Variants in TEX36 observed in about 807,000 individuals in gnomAD.
TEX36 encodes the protein testis expressed 36.
A neutral mutation model predicts 13.6 loss-of-function variants in TEX36; 12 were observed. That is an observed-to-expected ratio of 0.88 (90% confidence interval 0.56 to 1.43). The LOEUF is 1.43. Among genes scored for constraint, TEX36 ranks in the 40% most tolerant of loss-of-function variants. TEX36 has a pLI of 0.00. For missense variants in TEX36, 224 were observed against 228.3 expected (o/e 0.98, Z 0.12); for synonymous variants, 93 against 83.0 (o/e 1.12, Z -0.65).
At chr10:125,659,861 G>C (rs1169745191) in intron 3 of TEX36, among the ~76,000 whole-genome samples, 1 of 152,124 alleles carries the variant, frequency 6.6e-6, no homozygotes, top group Non-Finnish European at 1.5e-5. Context: ...GGACTTTCAG[G>C]TTCCATGAGG....
rs1425552997 is a variant in TEX36 at position 125,671,713 on chromosome 10, C to T, written c.52-9736G>A. The stretch of plus-strand genomic sequence containing the variant: ...AAAGTTTCAGGAGAAATGATACCAG[C>T]TCTTTTTTGTACCTCTGGTAGAATT... On this transcript the variant is annotated intron_variant, in intron 1 of 3. Transcript: ENST00000368821. Among the ~76,000 whole-genome samples the T allele has an allele frequency of 2.6e-5, 4 of 152,154 alleles. No individual in the cohort carries two copies. The East Asian group carries it at 7.7e-4, about 29-fold the overall frequency.
intron 3 of TEX36, among the ~76,000 whole-genome samples, chr10:125,639,868 G>A (rs1247301559): frequency 2.0e-5 from 3 of 152,164 alleles, no homozygotes; most frequent in South Asian, 2.1e-4. Flanking sequence ...TCCTCTTTGG[G>A]AACTATAACG....
downstream of TEX36, chr10:125,621,525 T>C (rs544838694): frequency 2.3e-6 from 1 of 434,602 alleles, no homozygotes; most frequent in African/African-American, 2.0e-5. Flanking sequence ...CCACTTATAT[T>C]AGTCAGGGCT....
At chr10:125,627,096 T>C (rs1846498873) in intron 3 of TEX36, among the ~76,000 whole-genome samples, 1 of 152,210 alleles carries the variant, frequency 6.6e-6, no homozygotes, top group South Asian at 2.1e-4. Flanking sequence ...GTCAACAGGA[T>C]TTGCTAAGTG....
intron 3 of TEX36, among the ~76,000 whole-genome samples, chr10:125,589,311 C>T (rs1845995379): frequency 6.6e-6 from 1 of 152,258 alleles, no homozygotes; most frequent in Non-Finnish European, 1.5e-5. Flanking sequence ...AAATAATTAC[C>T]ACCCGTATCT....
intron 3 of TEX36, among the ~76,000 whole-genome samples, chr10:125,577,438 G>A (rs1354637427): frequency 6.6e-6 from 1 of 152,224 alleles, no homozygotes; most frequent in Non-Finnish European, 1.5e-5. Context: ...GGCAGAGGTT[G>A]CATTGAGCTG....
chr10:125,615,563 C>T (rs1229415957), intron 3 of TEX36, among the ~76,000 whole-genome samples: 4 of 151,736 alleles, frequency 2.6e-5, no homozygotes, highest in Admixed American at 6.6e-5. Context: ...GTCTTTGGTT[C>T]TGTTTATATG....
intron 3 of TEX36, among the ~76,000 whole-genome samples, chr10:125,632,782 G>A (rs1368703162): frequency 6.6e-6 from 1 of 152,114 alleles, no homozygotes; most frequent in African/African-American, 2.4e-5. Context: ...GGACAGCCAG[G>A]TGAATAAGCC....
intron 3 of TEX36, among the ~76,000 whole-genome samples, chr10:125,606,197 C>T (rs1286463908): frequency 6.6e-6 from 1 of 152,142 alleles, no homozygotes; most frequent in Non-Finnish European, 1.5e-5. Context: ...ATTAAGCACC[C>T]TTGTAGGATT....
At chr10:125,621,341 TCCTCACCAACAC>T (rs1227191016), downstream of TEX36, among the ~76,000 whole-genome samples, 1 of 151,842 alleles carries the variant, frequency 6.6e-6, no homozygotes, top group African/African-American at 2.4e-5. Context: ...TTTCTCCACA[TCCTCACCAACAC>T]TTGGCATTTT....
chr10:125,671,778 G>T (rs770186856), intron 1 of TEX36, among the ~76,000 whole-genome samples: 16 of 152,110 alleles, frequency 1.1e-4, no homozygotes, highest in Non-Finnish European at 4.4e-5. Context: ...TGTTTGGTTG[G>T]TAGGCTATTA....
At chr10:125,623,073 T>C (rs1846447234) in intron 3 of TEX36, among the ~76,000 whole-genome samples, 1 of 152,162 alleles carries the variant, frequency 6.6e-6, no homozygotes, top group East Asian at 1.9e-4. Flanking sequence ...CTGTGAATCT[T>C]GGCTATGGGA....
intron 3 of TEX36, among the ~76,000 whole-genome samples, chr10:125,644,045 G>A (rs540929872): frequency 6.6e-6 from 1 of 152,318 alleles, no homozygotes; most frequent in Middle Eastern, 3.4e-3. Context: ...AGCCAAGTGG[G>A]TGGAGAAAAA....
chr10:125,682,702 G>A (rs1296427630), intron 1 of TEX36, among the ~76,000 whole-genome samples: 3 of 152,230 alleles, frequency 2.0e-5, no homozygotes, highest in Admixed American at 2.0e-4. Context: ...TGACTGCTTA[G>A]TGGACATTCA....
intron 3 of TEX36, among the ~76,000 whole-genome samples, chr10:125,632,675 C>T (rs770269233): frequency 1.3e-5 from 2 of 152,160 alleles, no homozygotes; most frequent in Non-Finnish European, 2.9e-5. Flanking sequence ...ACCAGCTGCA[C>T]GAGCTGCTCA....
At chr10:125,585,486 A>C (rs1845934100) in intron 3 of TEX36, among the ~76,000 whole-genome samples, 1 of 152,054 alleles carries the variant, frequency 6.6e-6, no homozygotes, top group African/African-American at 2.4e-5. Flanking sequence ...GAAAACAAAA[A>C]TCCTCTCCCC....
downstream of TEX36, among the ~76,000 whole-genome samples, chr10:125,652,132 G>T (rs1345106224): frequency 6.6e-6 from 1 of 151,948 alleles, no homozygotes; most frequent in Non-Finnish European, 1.5e-5. Flanking sequence ...CACAGAATTG[G>T]AAAAAAACTA....
intron 3 of TEX36, among the ~76,000 whole-genome samples, chr10:125,636,427 G>A (rs956439175): frequency 1.3e-5 from 2 of 149,714 alleles, no homozygotes; most frequent in Admixed American, 1.3e-4. Flanking sequence ...TGTTAGCCAG[G>A]ATGGTCTCGA....
At chr10:125,663,927 C>G (rs1847085670) in intron 1 of TEX36, among the ~76,000 whole-genome samples, 1 of 152,090 alleles carries the variant, frequency 6.6e-6, no homozygotes, top group South Asian at 2.1e-4. Context: ...CCCTGTCATG[C>G]TATCAACTAC....
Sources: gnomAD v4.1 joint callset for allele counts (sites outside exome capture counted in the v4.1 genomes callset) on GRCh38, gnomAD v4.1.1 for gene constraint, MANE v1.5 for transcripts, NCBI Gene and HGNC (gene_info 2026-07-23, HGNC 2026-07-21) for gene names.